PCDH11X: variants seen among roughly 807,000 people sequenced by gnomAD.
The protein encoded by PCDH11X is protocadherin-11 X-linked.
A neutral mutation model predicts 53.3 loss-of-function variants in PCDH11X; 18 were observed. That is an observed-to-expected ratio of 0.34 (90% CI 0.23 to 0.50). The LOEUF is 0.50. Ranked by LOEUF, PCDH11X falls within the 20% of genes least tolerant of loss-of-function variation. The pLI is 0.98. For synonymous variants in PCDH11X, 279 were observed against 393.3 expected (o/e 0.71, Z 3.44); for missense variants, 570 against 1,032.4 (o/e 0.55, Z 6.14).
At chrX:92,207,271 C>T (rs910676406) in intron 7 of PCDH11X, among the ~76,000 whole-genome samples, 2 of 111,296 alleles carry the variant, frequency 1.8e-5, no homozygotes, top group Non-Finnish European at 3.8e-5. Flanking sequence ...TTGCACATGC[C>T]ATATGTATAT....
At chrX:91,899,187 G>T (rs1044136676) in intron 6 of PCDH11X, among the ~76,000 whole-genome samples, 1 of 110,920 alleles carries the variant, frequency 9.0e-6, no homozygotes, top group Non-Finnish European at 1.9e-5. Flanking sequence ...AACCTCAACA[G>T]TAGGGAAGTC....
chrX:91,975,351 A>G (rs1400194180), intron 6 of PCDH11X, among the ~76,000 whole-genome samples: 1 of 112,285 alleles, frequency 8.9e-6, no homozygotes, highest in Non-Finnish European at 1.9e-5. Flanking sequence ...ATTGGTAACA[A>G]TGCACATGGA....
At chrX:92,007,105 C>T (rs2062611935) in intron 6 of PCDH11X, among the ~76,000 whole-genome samples, 1 of 110,899 alleles carries the variant, frequency 9.0e-6, no homozygotes, top group Non-Finnish European at 1.9e-5. Context: ...TGTTACTACT[C>T]CCTGGCTACT....
intron 9 of PCDH11X, among the ~76,000 whole-genome samples, chrX:92,442,390 T>C (rs1474222176): frequency 9.0e-6 from 1 of 110,575 alleles, no homozygotes; most frequent in Non-Finnish European, 1.9e-5. Context: ...GGGAACTGGG[T>C]GGAAGGTAAT....
intron 6 of PCDH11X, among the ~76,000 whole-genome samples, chrX:91,880,413 C>G (rs1000170945): frequency 1.8e-5 from 2 of 111,205 alleles, no homozygotes; most frequent in Admixed American, 9.7e-5. Flanking sequence ...AACTGATTTT[C>G]TTTCACCAAA....
intron 10 of PCDH11X, among the ~76,000 whole-genome samples, chrX:92,491,654 G>T (rs2073769064): frequency 9.1e-6 from 1 of 110,383 alleles, no homozygotes; most frequent in South Asian, 3.9e-4. Flanking sequence ...TAGACCTCAT[G>T]CTGTACATTA....
intron 6 of PCDH11X, among the ~76,000 whole-genome samples, chrX:92,094,131 ATATGTGTGTG>A (rs778048064): frequency 3.5e-3 from 194 of 55,539 alleles, no homozygotes; most frequent in Non-Finnish European, 4.5e-3. Flanking sequence ...CAAAAAAGTA[ATATGTGTGTG>A]TGTGTGTGTG....
At chrX:92,446,295 A>G (rs996093219) in intron 9 of PCDH11X, among the ~76,000 whole-genome samples, 1 of 111,087 alleles carries the variant, frequency 9.0e-6, no homozygotes, top group African/African-American at 3.3e-5. Context: ...AGCATGTACT[A>G]TCTAGAATAT....
At chrX:92,398,748 A>G (rs1444470964) in intron 9 of PCDH11X, among the ~76,000 whole-genome samples, 1 of 111,276 alleles carries the variant, frequency 9.0e-6, no homozygotes, top group Non-Finnish European at 1.9e-5. Flanking sequence ...CCTTCCTAGT[A>G]GTATGACATT....
chrX:91,895,195 C>T (rs886415385), intron 6 of PCDH11X, among the ~76,000 whole-genome samples: 1 of 111,573 alleles, frequency 9.0e-6, no homozygotes, highest in Admixed American at 9.5e-5. Flanking sequence ...TCTCTCATTC[C>T]CTGAGCGGTG....
intron 8 of PCDH11X, among the ~76,000 whole-genome samples, chrX:92,350,116 A>T (rs1272329923): frequency 9.1e-6 from 1 of 109,908 alleles, no homozygotes; most frequent in Non-Finnish European, 1.9e-5. Context: ...TTCACTGAAG[A>T]TTTCTCCCCT....
At chrX:92,613,314 G>T (rs1349675603) in intron 10 of PCDH11X, among the ~76,000 whole-genome samples, 1 of 110,862 alleles carries the variant, frequency 9.0e-6, no homozygotes, top group African/African-American at 3.3e-5. Flanking sequence ...TTCAGGGCTT[G>T]CTTGTCTGTA....
chrX:91,907,406 C>CAGAG (rs1200633473), intron 6 of PCDH11X, among the ~76,000 whole-genome samples: 4 of 62,370 alleles, frequency 6.4e-5, no homozygotes, highest in African/African-American at 2.8e-4. Flanking sequence ...CACACACACA[C>CAGAG]ACACACAGAG....
intron 8 of PCDH11X, among the ~76,000 whole-genome samples, chrX:92,383,670 G>C (rs1423195588): frequency 3.6e-5 from 4 of 111,564 alleles, no homozygotes; most frequent in Non-Finnish European, 7.5e-5. Flanking sequence ...CTCTTTTATG[G>C]CTGCATAGTA....
At chrX:92,275,145 G>A (rs1439234127) in intron 8 of PCDH11X, among the ~76,000 whole-genome samples, 1 of 102,694 alleles carries the variant, frequency 9.7e-6, no homozygotes, top group Non-Finnish European at 2.0e-5. Flanking sequence ...TAAAGCAGTG[G>A]CAGCCTCTGC....
intron 10 of PCDH11X, among the ~76,000 whole-genome samples, chrX:92,511,801 A>G (rs2074166074): frequency 9.0e-6 from 1 of 111,520 alleles, no homozygotes; most frequent in African/African-American, 3.3e-5. Context: ...ACAATACATT[A>G]TTTGCTTCCT....
intron 6 of PCDH11X, among the ~76,000 whole-genome samples, chrX:92,094,769 T>C (rs1228197571): frequency 8.9e-6 from 1 of 111,799 alleles, no homozygotes; most frequent in Non-Finnish European, 1.9e-5. Context: ...GAATACCTTC[T>C]GGCTTTGGGG....
chrX:92,546,293 T>G (rs1045339140), intron 10 of PCDH11X, among the ~76,000 whole-genome samples: 16 of 111,007 alleles, frequency 1.4e-4, no homozygotes, highest in African/African-American at 5.2e-4. Context: ...ACAAATAATA[T>G]CCATCTATCA....
At chrX:92,527,684 T>G (rs2148722739) in intron 10 of PCDH11X, among the ~76,000 whole-genome samples, 1 of 111,555 alleles carries the variant, frequency 9.0e-6, no homozygotes, top group Admixed American at 9.6e-5. Flanking sequence ...AAAATACTTT[T>G]TAAAAGAGCA....
Sources: gnomAD v4.1 joint callset for allele counts (sites outside exome capture counted in the v4.1 genomes callset) on GRCh38, gnomAD v4.1.1 for gene constraint, MANE v1.5 for transcripts, NCBI Gene and HGNC (gene_info 2026-07-23, HGNC 2026-07-21) for gene names.